ADAMTS16: variants seen among roughly 807,000 people sequenced by gnomAD.
ADAMTS16 encodes the protein A disintegrin and metalloproteinase with thrombospondin motifs 16.
ADAMTS16 carries 94 observed loss-of-function variants against 145.8 expected under a neutral mutation model. The observed-to-expected ratio is 0.64, with a 90% confidence interval of 0.55 to 0.77. ADAMTS16 has a LOEUF of 0.77. ADAMTS16 is among the 30% of genes least tolerant of loss of function. The pLI is 0.00. For synonymous variants in ADAMTS16, 659 were observed against 604.3 expected, an observed-to-expected ratio of 1.09 and a Z score of -1.33; for missense variants, 1,585 against 1,591.5, an observed-to-expected ratio of 1.00 and a Z score of 0.07.
chr5:5,309,859 T>G (rs889281573), intron 21 of ADAMTS16, among the ~76,000 whole-genome samples: 1 of 147,968 alleles, frequency 6.8e-6, no homozygotes, highest in Non-Finnish European at 1.5e-5. Flanking sequence ...TGTGTGTGCA[T>G]GTGATCAGAA....
intron 18 of ADAMTS16, among the ~76,000 whole-genome samples, chr5:5,270,003 C>T (rs1268964509): frequency 6.6e-6 from 1 of 152,148 alleles, no homozygotes; most frequent in Non-Finnish European, 1.5e-5. Context: ...TGGAGCCCTC[C>T]ATCCGATGGC....
At chr5:5,222,432 G>T (rs759780102) in intron 10 of ADAMTS16, among the ~76,000 whole-genome samples, 1 of 152,094 alleles carries the variant, frequency 6.6e-6, no homozygotes, top group Non-Finnish European at 1.5e-5. Flanking sequence ...GGAAGGTGGG[G>T]TTGAGAAGGA....
intron 18 of ADAMTS16, among the ~76,000 whole-genome samples, chr5:5,272,782 G>A (rs371939550): frequency 6.6e-6 from 1 of 152,172 alleles, no homozygotes; most frequent in East Asian, 1.9e-4. Context: ...TGGAATATTT[G>A]GGGATTGTAT....
At chr5:5,309,084 C>G (rs151068241) in intron 21 of ADAMTS16, among the ~76,000 whole-genome samples, 1 of 152,076 alleles carries the variant, frequency 6.6e-6, no homozygotes, top group Non-Finnish European at 1.5e-5. Context: ...CACTCACATA[C>G]GCACTCACAC....
intron 18 of ADAMTS16, among the ~76,000 whole-genome samples, chr5:5,296,873 AG>A (rs2126499678): frequency 6.6e-6 from 1 of 152,326 alleles, no homozygotes; most frequent in Non-Finnish European, 1.5e-5. Context: ...CCACCACAGT[AG>A]TTTTTAGTCC....
rs951149207 is a variant in ADAMTS16, at chr5:5,242,594, T to C, written c.2662+403T>C. ...GTGGGTTTTTTAATCTAACTAATCT[T>C]GTTCAAAACGTTTCCTGGAAAGAGC... On this transcript the variant is annotated intron_variant, in intron 17 of 22. Coordinates refer to ENST00000274181, the MANE Select transcript of ADAMTS16 (RefSeq NM_139056.4). Among the ~76,000 whole-genome samples, 3 of 152,224 alleles carry C rather than the reference T, an allele frequency of 2.0e-5. No individual in the cohort carries two copies. The East Asian group carries it at 5.8e-4, about 29-fold the overall frequency.
intron 21 of ADAMTS16, among the ~76,000 whole-genome samples, chr5:5,309,199 G>T (rs1431507029): frequency 6.6e-6 from 1 of 152,202 alleles, no homozygotes; most frequent in Non-Finnish European, 1.5e-5. Flanking sequence ...GTATTTGCAT[G>T]CAGCCTACAC....
At chr5:5,280,775 G>GA (rs1191674197) in intron 18 of ADAMTS16, among the ~76,000 whole-genome samples, 1 of 152,048 alleles carries the variant, frequency 6.6e-6, no homozygotes, top group Non-Finnish European at 1.5e-5. Flanking sequence ...TTGAAATATG[G>GA]AAAAAATGAT....
intron 18 of ADAMTS16, among the ~76,000 whole-genome samples, chr5:5,299,618 T>C (rs1384941279): frequency 9.9e-5 from 15 of 152,194 alleles, no homozygotes; most frequent in Admixed American, 9.8e-4. Context: ...CAGGAAATCC[T>C]GGGTAGACCG....
At position 5,271,442 on chromosome 5, in the gene ADAMTS16, G is replaced by A. The variant is rs548573073; in HGVS notation, c.2789+8659G>A. ...CCCTCACACGGAGGCTCCTCCCTGC[G>A]CGGGCACTGCCCAGACAAGCAGCCT... is the stretch of plus-strand genomic sequence containing the variant. On this transcript the variant is annotated intron_variant, in intron 18 of 22. Transcript: ENST00000274181. Among the ~76,000 whole-genome samples the A allele has an allele frequency of 4.6e-5, 7 of 152,366 alleles. No individual in the cohort carries two copies. The South Asian group carries it at 1.4e-3, about 32-fold the overall frequency.
chr5:5,206,516 G>A (rs1736125342), intron 9 of ADAMTS16, among the ~76,000 whole-genome samples: 2 of 146,448 alleles, frequency 1.4e-5, no homozygotes, highest in Admixed American at 1.4e-4. Context: ...GTCTCACTCT[G>A]TTACCCGGAC....
intron 3 of ADAMTS16, among the ~76,000 whole-genome samples, chr5:5,167,850 T>C (rs1734925213): frequency 6.6e-6 from 1 of 152,220 alleles, no homozygotes; most frequent in African/African-American, 2.4e-5. Flanking sequence ...AACGTTAAAT[T>C]TTATTTGATT....
chr5:5,181,543 A>AT (rs1353059239), intron 3 of ADAMTS16, among the ~76,000 whole-genome samples: 1 of 152,106 alleles, frequency 6.6e-6, no homozygotes, highest in Non-Finnish European at 1.5e-5. Flanking sequence ...TTTCCTCTAG[A>AT]TTAATTTTGT....
Position 5,239,898 on chromosome 5 carries a change from A to G in ADAMTS16, c.2496A>G (p.Gly832=). Residue 832 remains glycine, a synonymous_variant, in exon 16 of 23, where the codon GGA becomes GGG. Transcript: ENST00000274181. ...YNEPENLIAT[G]PTNETLIVEL... is the part of the protein sequence containing the mutation. ...AGCCCGAGAACTTAATCGCTACTGG[A>G]CCAACCAACGAGACACTGATTGTGG... 1 of 1,614,026 alleles carries G rather than the reference A, an allele frequency of 6.2e-7. No homozygotes were observed. Among genetic ancestry groups the G allele is most frequent in the Non-Finnish European group, 8.5e-7 (1 of 1,180,030 alleles).
At chr5:5,181,438 C>T (rs1735335996) in intron 3 of ADAMTS16, among the ~76,000 whole-genome samples, 1 of 152,182 alleles carries the variant, frequency 6.6e-6, no homozygotes, top group Admixed American at 6.5e-5. Flanking sequence ...GCCCTACAGA[C>T]ATTTTTGGTA....
chr5:5,163,904 A>T (rs1045530684), intron 3 of ADAMTS16, among the ~76,000 whole-genome samples: 2 of 152,216 alleles, frequency 1.3e-5, no homozygotes, highest in Non-Finnish European at 1.5e-5. Context: ...GGAGAAAAAC[A>T]AACACAACAA....
In ADAMTS16 at chr5:5,222,838, C is replaced by A; in HGVS notation, c.1655C>A (p.Thr552Asn). Residue 552 changes from threonine to asparagine, a missense_variant, in exon 11 of 23, where the codon ACT (threonine) becomes AAT (asparagine). Coordinates refer to ENST00000274181, the MANE Select transcript of ADAMTS16 (RefSeq NM_139056.4). ...CATCGTATTGGAAGGAAATGTGAGA[C>A]TAAATTTATGCCAGCAGCAGAAGGC... The part of the protein sequence containing the change: ...WCHRIGRKCE[T>N]KFMPAAEGTI... 6.2e-7 allele frequency: 1 copy of A among 1,614,120 alleles called. No homozygotes were observed. Among genetic ancestry groups the A allele is most frequent in the Non-Finnish European group, 8.5e-7 (1 of 1,179,992 alleles).
At chr5:5,226,275 C>T (rs548742188) in intron 11 of ADAMTS16, among the ~76,000 whole-genome samples, 13 of 152,098 alleles carry the variant, frequency 8.5e-5, no homozygotes, top group African/African-American at 3.1e-4. Context: ...ACTGGGGAGG[C>T]CTCGCAATCA....
At chr5:5,219,108 G>C (rs1447946081) in intron 10 of ADAMTS16, among the ~76,000 whole-genome samples, 2 of 151,734 alleles carry the variant, frequency 1.3e-5, no homozygotes, top group Non-Finnish European at 2.9e-5. Context: ...GCCCTCTCCA[G>C]GGACCCCCCC....
Sources: allele counts gnomAD v4.1 joint callset (sites outside exome capture counted in the v4.1 genomes callset), GRCh38; gene constraint gnomAD v4.1.1; transcripts MANE v1.5; gene names NCBI Gene and HGNC (gene_info 2026-07-23, HGNC 2026-07-21).